Variants in CSMD2 observed in about 807,000 individuals in gnomAD.
CSMD2 encodes CUB and Sushi multiple domains 2.
A neutral mutation model predicts 398.5 loss-of-function variants in CSMD2; 130 were observed. The observed-to-expected ratio is 0.33, with a 90% confidence interval of 0.28 to 0.38. The LOEUF (loss-of-function observed/expected upper bound fraction) is 0.38. Among genes scored for constraint, CSMD2 ranks in the 10% least tolerant of loss-of-function variants. The pLI is 1.00. For missense variants in CSMD2, 3,829 were observed against 4,764.9 expected (o/e 0.80, Z 5.78); for synonymous variants, 1,828 against 1,908.5 (o/e 0.96, Z 1.10).
intron 20 of CSMD2, among the ~76,000 whole-genome samples, chr1:33,715,264 G>C (rs1646129491): frequency 6.6e-6 from 1 of 152,062 alleles, no homozygotes; most frequent in African/African-American, 2.4e-5. Flanking sequence ...CAGAATACAT[G>C]ACTTAGCCTC....
chr1:34,160,405 G>T (rs931900216), intron 1 of CSMD2, among the ~76,000 whole-genome samples: 7 of 152,184 alleles, frequency 4.6e-5, no homozygotes, highest in African/African-American at 1.7e-4. Context: ...GGTATGCCAA[G>T]GGCTTATTGT....
At chr1:33,618,765 C>T (rs1641565177) in intron 37 of CSMD2, among the ~76,000 whole-genome samples, 1 of 151,988 alleles carries the variant, frequency 6.6e-6, no homozygotes, top group Non-Finnish European at 1.5e-5. Context: ...CTTCACATCC[C>T]ATTTCACAGA....
At chr1:33,774,376 A>C (rs1179025992) in intron 12 of CSMD2, among the ~76,000 whole-genome samples, 1 of 152,076 alleles carries the variant, frequency 6.6e-6, no homozygotes, top group Non-Finnish European at 1.5e-5. Context: ...GGATACACTG[A>C]GGCATTCCAG....
chr1:33,711,692 A>G (rs1333659562), intron 21 of CSMD2, among the ~76,000 whole-genome samples: 1 of 152,174 alleles, frequency 6.6e-6, no homozygotes, highest in Admixed American at 6.5e-5. Flanking sequence ...AATTCTCGAC[A>G]GCTGGCTTCC....
intron 3 of CSMD2, among the ~76,000 whole-genome samples, chr1:34,021,596 G>A (rs948152874): frequency 2.6e-5 from 4 of 152,206 alleles, no homozygotes; most frequent in African/African-American, 9.6e-5. Context: ...TCAAGCCTGG[G>A]GCACCCTGCT....
chr1:34,074,665 A>G (rs796684534), intron 2 of CSMD2, among the ~76,000 whole-genome samples: 5 of 152,326 alleles, frequency 3.3e-5, no homozygotes, highest in African/African-American at 1.2e-4. Context: ...GTAAAAGAGA[A>G]AGAGTTCTTG....
At chr1:34,160,538 C>T (rs1009888719) in intron 1 of CSMD2, among the ~76,000 whole-genome samples, 1 of 152,100 alleles carries the variant, frequency 6.6e-6, no homozygotes, top group African/African-American at 2.4e-5. Flanking sequence ...GCTTCCTTGA[C>T]CCCCGATTTA....
intron 41 of CSMD2, among the ~76,000 whole-genome samples, chr1:33,608,773 T>A (rs1640802076): frequency 6.6e-6 from 1 of 152,178 alleles, no homozygotes; most frequent in Non-Finnish European, 1.5e-5. Flanking sequence ...GTCTCCCTCA[T>A]GGGCCTCAGA....
intron 2 of CSMD2, among the ~76,000 whole-genome samples, chr1:34,051,318 G>A (rs1160929787): frequency 1.3e-5 from 2 of 152,146 alleles, no homozygotes; most frequent in Non-Finnish European, 2.9e-5. Flanking sequence ...AATACAGAAT[G>A]GGTAGTGAAA....
chr1:33,783,707 G>C (rs561602402), intron 12 of CSMD2, among the ~76,000 whole-genome samples: 2 of 152,266 alleles, frequency 1.3e-5, no homozygotes, highest in South Asian at 4.1e-4. Context: ...ATTGTGGTAT[G>C]ACAGTGTTAG....
chr1:33,603,325 A>G (rs1158321687), intron 42 of CSMD2, among the ~76,000 whole-genome samples: 2 of 152,204 alleles, frequency 1.3e-5, no homozygotes. Context: ...AGACTTTGAC[A>G]TCTTCATGGT....
At chr1:33,995,331 C>T (rs2148011529) in intron 3 of CSMD2, among the ~76,000 whole-genome samples, 1 of 152,270 alleles carries the variant, frequency 6.6e-6, no homozygotes, top group South Asian at 2.1e-4. Flanking sequence ...TTGGACTCAC[C>T]CAAGTTAAGC....
At chr1:33,813,844 C>G (rs1342144962) in intron 9 of CSMD2, among the ~76,000 whole-genome samples, 1 of 152,168 alleles carries the variant, frequency 6.6e-6, no homozygotes, top group Non-Finnish European at 1.5e-5. Context: ...CCTCTGGAAC[C>G]ACCTCCCACT....
chr1:34,079,543 C>T (rs972085932), intron 2 of CSMD2, among the ~76,000 whole-genome samples: 3 of 152,192 alleles, frequency 2.0e-5, no homozygotes, highest in Admixed American at 6.5e-5. Flanking sequence ...TAAACTCTGC[C>T]TTGCCTGACC....
intron 6 of CSMD2, chr1:33,839,710 C>T (rs1156546336): frequency 2.0e-4 from 30 of 152,204 alleles, no homozygotes; most frequent in Admixed American, 2.0e-3. Context: ...GAGTCAGATA[C>T]ACTGAATGTT....
At chr1:33,907,187 C>T (rs1171605099) in intron 5 of CSMD2, among the ~76,000 whole-genome samples, 4 of 146,416 alleles carry the variant, frequency 2.7e-5, no homozygotes, top group Non-Finnish European at 5.9e-5. Context: ...GGCGTGAACT[C>T]GGCTCACTGC....
At chr1:33,710,046 C>G (rs985240976) in intron 21 of CSMD2, among the ~76,000 whole-genome samples, 1 of 152,188 alleles carries the variant, frequency 6.6e-6, no homozygotes, top group Non-Finnish European at 1.5e-5. Flanking sequence ...GTTCTCATAC[C>G]TTTATTTATA....
At chr1:33,598,184 G>A (rs1354289503) in intron 44 of CSMD2, among the ~76,000 whole-genome samples, 3 of 152,140 alleles carry the variant, frequency 2.0e-5, no homozygotes, top group African/African-American at 7.2e-5. Flanking sequence ...TTTTTCTTAG[G>A]CTCAATGATG....
chr1:33,709,785 C>G (rs751034814), intron 21 of CSMD2, among the ~76,000 whole-genome samples: 12 of 152,170 alleles, frequency 7.9e-5, no homozygotes, highest in Non-Finnish European at 1.5e-4. Flanking sequence ...TTAGTCGCAA[C>G]AGCCAGCCCC....
Sources: allele counts gnomAD v4.1 joint callset (sites outside exome capture counted in the v4.1 genomes callset), GRCh38; gene constraint gnomAD v4.1.1; transcripts MANE v1.5; gene names NCBI Gene and HGNC (gene_info 2026-07-23, HGNC 2026-07-21).